Variants in SLC4A7 observed in about 807,000 individuals in gnomAD.
The protein encoded by SLC4A7 is solute carrier family 4 member 7.
In SLC4A7, 51 loss-of-function variants were observed where a neutral mutation model predicts 137.6. The observed-to-expected ratio is 0.37, with a 90% CI of 0.30 to 0.47. The LOEUF (loss-of-function observed/expected upper bound fraction) is 0.47, where lower values mean the gene tolerates loss of function less well. SLC4A7 is among the 20% of genes least tolerant of loss of function. SLC4A7 has a pLI of 1.00. For synonymous variants in SLC4A7, 542 were observed against 518.6 expected (o/e 1.05, Z -0.61); for missense variants, 1,247 against 1,525.4 (o/e 0.82, Z 3.04).
rs2049791549 is a variant in SLC4A7, at chr3:27,374,815, C to T, written c.*1949G>A. Reference sequence around the variant, plus strand: ...CACAAGGAAATGATGTGAGGAAATCCTCTTGTTCAGGTACATCAGGGGAGT... The same window carrying T: ...CACAAGGAAATGATGTGAGGAAATCTTCTTGTTCAGGTACATCAGGGGAGT... On this transcript the variant is annotated 3_prime_UTR_variant, in exon 26 of 26. Transcript: ENST00000454389. The T allele has an allele frequency of 6.6e-6, 1 of 152,400 alleles. No homozygotes were observed. The highest frequency in any genetic ancestry group is 2.4e-5 in the African/African-American group (1 of 41,416). 9.4% of individuals were successfully genotyped at this position (152,400 alleles called of 1,614,324 possible). A position where few individuals can be genotyped will look rare whatever the true frequency, so the allele number is the denominator to read the frequency against.
intron 4 of SLC4A7, among the ~76,000 whole-genome samples, 191 bp from the exon 5 acceptor site, chr3:27,436,739 C>T (rs2056767405): frequency 1.3e-5 from 2 of 151,912 alleles, no homozygotes; most frequent in South Asian, 4.1e-4. Flanking sequence ...TTTGTAGTTC[C>T]TCTTTCTATT....
chr3:27,461,064 C>T (rs986274554), intron 1 of SLC4A7, among the ~76,000 whole-genome samples: 9 of 152,096 alleles, frequency 5.9e-5, no homozygotes, highest in Admixed American at 2.6e-4. Context: ...ACTTGTTACG[C>T]GAGCTGCAAG....
chr3:27,482,499 G>A (rs1322900862), intron 1 of SLC4A7, among the ~76,000 whole-genome samples: 1 of 152,114 alleles, frequency 6.6e-6, no homozygotes, highest in Non-Finnish European at 1.5e-5. Context: ...GGCCAGGCGC[G>A]GTGGCTCACG....
At chr3:27,455,021 AAAG>A (rs2058316530) in intron 1 of SLC4A7, among the ~76,000 whole-genome samples, 1 of 151,972 alleles carries the variant, frequency 6.6e-6, no homozygotes, top group Non-Finnish European at 1.5e-5. Flanking sequence ...AAAAAAAAAA[AAAG>A]AGCACATCCT....
At chr3:27,465,726 G>C (rs946692592) in intron 1 of SLC4A7, among the ~76,000 whole-genome samples, 24 of 151,868 alleles carry the variant, frequency 1.6e-4, no homozygotes, top group African/African-American at 5.6e-4. Flanking sequence ...TTGAGAGGCC[G>C]AGGCGGACGA....
chr3:27,389,348 A>T (rs187453259), intron 22 of SLC4A7, among the ~76,000 whole-genome samples: 1 of 152,102 alleles, frequency 6.6e-6, no homozygotes, highest in East Asian at 1.9e-4. Flanking sequence ...TTCTAATTTA[A>T]CTGTTTTTAG....
intron 11 of SLC4A7, among the ~76,000 whole-genome samples, chr3:27,412,367 G>A (rs1287220220): frequency 2.6e-5 from 4 of 152,118 alleles, no homozygotes; most frequent in African/African-American, 9.7e-5. Flanking sequence ...ATATGTGTGA[G>A]CATGTGCACA....
intron 12 of SLC4A7, among the ~76,000 whole-genome samples, chr3:27,409,901 T>C (rs1051178533): frequency 6.6e-6 from 1 of 152,198 alleles, no homozygotes; most frequent in Non-Finnish European, 1.5e-5. Flanking sequence ...TAATTGTCTA[T>C]ATTAAAATCT....
At chr3:27,390,841 T>C (rs1467204004) in intron 21 of SLC4A7, among the ~76,000 whole-genome samples, 1 of 152,184 alleles carries the variant, frequency 6.6e-6, no homozygotes, top group African/African-American at 2.4e-5. Flanking sequence ...GTTTGTTTTT[T>C]GAGACAGGGT....
At chr3:27,450,080 C>G (rs911570171) in intron 2 of SLC4A7, among the ~76,000 whole-genome samples, 2 of 152,094 alleles carry the variant, frequency 1.3e-5, no homozygotes, top group African/African-American at 4.8e-5. Flanking sequence ...ACTCATGTTC[C>G]CAGGTAAGGC....
intron 3 of SLC4A7, among the ~76,000 whole-genome samples, chr3:27,443,651 A>C (rs2057387352): frequency 6.6e-6 from 1 of 152,156 alleles, no homozygotes; most frequent in Non-Finnish European, 1.5e-5. Context: ...AAATGCTACA[A>C]ATTTTTCTCT....
chr3:27,384,072 A>G (rs1043928531), intron 23 of SLC4A7, among the ~76,000 whole-genome samples: 4 of 152,204 alleles, frequency 2.6e-5, no homozygotes, highest in Non-Finnish European at 4.4e-5. Context: ...GGTGATCGAT[A>G]GGACAGTAGA....
chr3:27,385,911 T>C lies in SLC4A7; in HGVS notation c.3473A>G (p.Lys1158Arg). The C allele has an allele frequency of 6.4e-7, 1 of 1,560,740 alleles. No homozygotes were observed. Among genetic ancestry groups the C allele is most frequent in the Non-Finnish European group, 8.8e-7 (1 of 1,141,378 alleles). ...TTTTACCTCTTTCTCTTTTTTCTTT[T>C]TGTCATCTTCTTTCTTTTTCTTACT... The part of the protein sequence containing the change: ...PESKKKKEDD[K>R]KKKEKEEAER... The change falls in exon 23 of 26, where the codon AAA becomes AGA. Residue 1158 changes from lysine (K) to arginine (R), a missense_variant. Lys to Arg is a conservative substitution (Grantham distance 26). Around this residue, in one of 6 missense-constraint regions of SLC4A7, gnomAD observed 290 missense variants for 323.8 expected, o/e 0.90. Coordinates refer to ENST00000454389, the MANE Select transcript of SLC4A7 (RefSeq NM_001321103.2).
chr3:27,427,851 A>G (rs191458912), intron 7 of SLC4A7, among the ~76,000 whole-genome samples: 35 of 152,298 alleles, frequency 2.3e-4, no homozygotes, highest in Admixed American at 1.0e-3. Context: ...AGGCCGATAA[A>G]TCTCATCACA....
chr3:27,444,160 C>T (rs1342910590), intron 3 of SLC4A7, among the ~76,000 whole-genome samples: 1 of 152,166 alleles, frequency 6.6e-6, no homozygotes, highest in Non-Finnish European at 1.5e-5. Flanking sequence ...GAGAGGAGAG[C>T]TAAAATCTCC....
intron 7 of SLC4A7, 66 bp from the exon 8 acceptor site, chr3:27,424,218 C>T: frequency 1.3e-6 from 1 of 775,578 alleles, no homozygotes; most frequent in Non-Finnish European, 2.2e-6. Flanking sequence ...ATTCTGCTCA[C>T]ATTCTGAAAG....
intron 1 of SLC4A7, among the ~76,000 whole-genome samples, chr3:27,475,750 T>C (rs1040276660): frequency 1.2e-4 from 19 of 152,192 alleles, no homozygotes; most frequent in African/African-American, 4.6e-4. Context: ...AAGTTCCTCT[T>C]GGACATTTTA....
At chr3:27,436,056 T>A (rs534904485) in intron 5 of SLC4A7, among the ~76,000 whole-genome samples, 13 of 152,358 alleles carry the variant, frequency 8.5e-5, no homozygotes, top group African/African-American at 3.1e-4. Flanking sequence ...TTGGTTCCCA[T>A]GTGTTCACAT....
intron 3 of SLC4A7, among the ~76,000 whole-genome samples, chr3:27,448,412 A>C (rs1226366623): frequency 6.6e-6 from 1 of 151,888 alleles, no homozygotes; most frequent in Non-Finnish European, 1.5e-5. Context: ...GAAGAAAACA[A>C]AGCCCTTTAT....
Sources: gnomAD v4.1 joint callset for allele counts (sites outside exome capture counted in the v4.1 genomes callset) on GRCh38, gnomAD v4.1.1 for gene constraint, gnomAD v4.1.1 regional missense constraint, MANE v1.5 for transcripts, NCBI Gene and HGNC (gene_info 2026-07-23, HGNC 2026-07-21) for gene names.